The following SULT6B1 variants were observed in gnomAD, a reference collection of about 807,000 sequenced individuals.
SULT6B1 encodes the protein sulfotransferase 6B1.
In SULT6B1, 44 loss-of-function variants were observed where a neutral mutation model predicts 37.2. That is an observed-to-expected ratio of 1.18 (90% CI 0.93 to 1.52). SULT6B1 has a LOEUF of 1.52. Among genes scored for constraint, SULT6B1 ranks in the 40% most tolerant of loss-of-function variants. The probability of loss-of-function intolerance (pLI) is 0.00; values close to 1 mark genes in which losing one functional copy is unlikely to be tolerated. For synonymous variants in SULT6B1, 140 were observed against 126.0 expected, an observed-to-expected ratio of 1.11 and a Z score of -0.74; for missense variants, 450 against 361.0, an observed-to-expected ratio of 1.25 and a Z score of -2.00.
chr2:37,183,559 T>C (rs1172477227), intron 2 of SULT6B1, 45 bp from the exon 3 acceptor site: 1 of 1,132,018 alleles, frequency 8.8e-7, no homozygotes, highest in South Asian at 1.4e-5. Flanking sequence ...CGTGTGTGCA[T>C]GTGTGTGTGT....
intron 5 of SULT6B1, among the ~76,000 whole-genome samples, chr2:37,172,383 T>C (rs1345945988): frequency 6.6e-6 from 1 of 152,220 alleles, no homozygotes; most frequent in African/African-American, 2.4e-5. Flanking sequence ...GAAATATTTA[T>C]TAACAGCTGG....
rs1465751254 is a variant in SULT6B1 at position 37,179,590 on chromosome 2, G to A, written c.403-6C>T. On this transcript the variant is annotated splice_polypyrimidine_tract_variant and splice_region_variant and intron_variant, in intron 3 of 6. Coordinates refer to ENST00000535679, the MANE Select transcript of SULT6B1 (RefSeq NM_001367551.1). ...TTTCGAAATATCACCAATATCTAGGGAGCAAAAATTGAGTTAATTTATTTG... is the reference window on the plus strand; with the variant it reads ...TTTCGAAATATCACCAATATCTAGGAAGCAAAAATTGAGTTAATTTATTTG... 3.1e-6 allele frequency: 5 copies of A among 1,606,566 alleles called. No individual in the cohort carries two copies. The highest frequency in any genetic ancestry group is 4.2e-6 in the Non-Finnish European group (5 of 1,178,606).
rs1031319001 is a variant in SULT6B1, at chr2:37,174,418, G to A, written c.624+714C>T. On this transcript the variant is annotated intron_variant, in intron 5 of 6. Coordinates refer to ENST00000535679, the MANE Select transcript of SULT6B1 (RefSeq NM_001367551.1). ...TTAAAAATGTGCCCAGGGTGGTCTC[G>A]AACTCCTGGCCTGAAGTGATCCCCC... 3.3e-5 allele frequency among the ~76,000 whole-genome samples: 5 copies of A among 151,122 alleles called. No homozygotes were observed. In the East Asian group the frequency reaches 5.8e-4, roughly 18 times the overall value.
chr2:37,193,593 A>G (rs1676827190), upstream of SULT6B1, among the ~76,000 whole-genome samples: 1 of 130,728 alleles, frequency 7.6e-6, no homozygotes, highest in Admixed American at 8.9e-5. Context: ...AAGAAGAAGA[A>G]GAAAAAGAAG....
At chr2:37,183,660 T>C (rs890880424) in intron 2 of SULT6B1, 146 bp from the exon 3 acceptor site, 65 of 631,560 alleles carry the variant, frequency 1.0e-4, no homozygotes, top group Non-Finnish European at 1.6e-4. Context: ...TTTTTCTTTT[T>C]TGAAACAGAG....
intron 1 of SULT6B1, among the ~76,000 whole-genome samples, chr2:37,194,178 A>ATT (rs577677210): frequency 6.8e-6 from 1 of 146,238 alleles, no homozygotes. Flanking sequence ...CTGTCTGTAG[A>ATT]TTTTTTTTTT....
At chr2:37,175,070 G>A in intron 5 of SULT6B1, 62 bp downstream of exon 5, 1 of 924,262 alleles carries the variant, frequency 1.1e-6, no homozygotes, top group Non-Finnish European at 1.6e-6. Flanking sequence ...GACATTATAA[G>A]TAAGTGCTCT....
At chr2:37,183,801 G>A (rs543631423) in intron 2 of SULT6B1, among the ~76,000 whole-genome samples, 1 of 152,148 alleles carries the variant, frequency 6.6e-6, no homozygotes, top group African/African-American at 2.4e-5. Flanking sequence ...CTACCACCAT[G>A]CCCAGTTAAT....
chr2:37,188,501 G>T lies in SULT6B1; in HGVS notation c.140C>A (p.Ala47Glu). 6.2e-7 allele frequency: 1 copy of T among 1,614,192 alleles called. No individual in the cohort carries two copies. The highest frequency in any genetic ancestry group is 8.5e-7 in the Non-Finnish European group (1 of 1,180,018). The change falls in exon 1 of 7, where the codon GCG becomes GAG. Residue 47 changes from alanine (A) to glutamate (E), a missense_variant. Ala to Glu is a moderately radical substitution (Grantham distance 107). Transcript: ENST00000535679. ...ITMCTSETFQ[A>E]LDTFEARHDD... ...ATGTCTGGCTTCGAAGGTGTCCAGC[G>T]CTTGGAAAGTTTCTGAGGTGCACAT...
At chr2:37,192,273 T>C (rs562923012), upstream of SULT6B1, among the ~76,000 whole-genome samples, 12 of 152,196 alleles carry the variant, frequency 7.9e-5, no homozygotes, top group Admixed American at 2.0e-4. Flanking sequence ...CATCTTGGAA[T>C]TGAGGAAATT....
At chr2:37,171,681 C>A (rs1352134473) in intron 5 of SULT6B1, 91 bp from the exon 6 acceptor site, 4 of 1,212,478 alleles carry the variant, frequency 3.3e-6, no homozygotes, top group South Asian at 1.5e-5. Context: ...AGTTATTCAG[C>A]CTAACTCCCT....
intron 6 of SULT6B1, among the ~76,000 whole-genome samples, chr2:37,170,214 C>T (rs753073469): frequency 6.6e-6 from 1 of 150,812 alleles, no homozygotes; most frequent in African/African-American, 2.4e-5. Context: ...GCCTGTAATC[C>T]CAGCACATTG....
At chr2:37,184,830 T>A (rs968130802) in intron 2 of SULT6B1, among the ~76,000 whole-genome samples, 1 of 144,298 alleles carries the variant, frequency 6.9e-6, no homozygotes, top group South Asian at 2.2e-4. Flanking sequence ...AGACTCCATT[T>A]AAAAAAAAAA....
chr2:37,171,322 G>T lies in SULT6B1; in HGVS notation c.781+112C>A, dbSNP rs1456888697. ...AGCCTGTGTCCAGACCTCTTACTGA[G>T]GCGGAGAAAAATAAAACCCTATCTG... On this transcript the variant is annotated intron_variant, in intron 6 of 6. Transcript: ENST00000535679. 4 of 1,310,782 alleles carry T rather than the reference G, an allele frequency of 3.1e-6. No individual in the cohort carries two copies. The African/African-American group carries it at 4.4e-5, about 15-fold the overall frequency. 81.2% of individuals were successfully genotyped at this position (1,310,782 alleles called of 1,614,324 possible).
chr2:37,168,322 C>T (rs1390419085), intron 6 of SULT6B1, among the ~76,000 whole-genome samples: 3 of 152,104 alleles, frequency 2.0e-5, no homozygotes, highest in Non-Finnish European at 2.9e-5. Context: ...CCACCACACC[C>T]GGCTAATGTA....
upstream of SULT6B1, chr2:37,189,968 G>C (rs922682167): frequency 1.6e-4 from 25 of 152,246 alleles, no homozygotes; most frequent in African/African-American, 6.0e-4. Flanking sequence ...TAACAAGACA[G>C]AGGAAGCCAG....
At chr2:37,169,534 G>T (rs1460924799) in intron 6 of SULT6B1, among the ~76,000 whole-genome samples, 1 of 152,118 alleles carries the variant, frequency 6.6e-6, no homozygotes, top group African/African-American at 2.4e-5. Flanking sequence ...CTGTCACCCA[G>T]GCTGGAGTGC....
chr2:37,186,977 C>G (rs1400925478), intron 2 of SULT6B1, among the ~76,000 whole-genome samples: 1 of 152,180 alleles, frequency 6.6e-6, no homozygotes, highest in Non-Finnish European at 1.5e-5. Context: ...AGAGATGAGA[C>G]TTTTCTGTTC....
At chr2:37,168,135 G>T (rs770043136) in intron 6 of SULT6B1, 70 bp from the exon 7 acceptor site, 1 of 1,426,430 alleles carries the variant, frequency 7.0e-7, no homozygotes, top group Non-Finnish European at 9.3e-7. Context: ...ACCATTTTCA[G>T]TGCAATATTT....
Sources: gnomAD v4.1 joint callset for allele counts (sites outside exome capture counted in the v4.1 genomes callset) on GRCh38, gnomAD v4.1.1 for gene constraint, MANE v1.5 for transcripts, NCBI Gene and HGNC (gene_info 2026-07-23, HGNC 2026-07-21) for gene names.